Variants in EFHB observed in about 807,000 individuals in gnomAD.
EFHB encodes EF-hand domain family member B, also known as EF-hand domain-containing family member B.
Under a neutral mutation model 87.2 loss-of-function variants are expected in EFHB, and 91 were observed. The ratio of observed to expected loss-of-function variants is 1.04; its 90% CI spans 0.88 to 1.24. The LOEUF is 1.24. Ranked by LOEUF, EFHB falls within the 50% of genes most tolerant of loss-of-function variation. EFHB has a pLI of 0.00. For synonymous variants in EFHB, 325 were observed against 333.6 expected, an observed-to-expected ratio of 0.97 and a Z score of 0.28; for missense variants, 1,084 against 998.8, an observed-to-expected ratio of 1.09 and a Z score of -1.15.
chr3:19,903,509 A>T (rs1041002291), intron 6 of EFHB, among the ~76,000 whole-genome samples: 1 of 151,910 alleles, frequency 6.6e-6, no homozygotes, highest in Non-Finnish European at 1.5e-5. Context: ...AAATATCTGT[A>T]GTCCTTAAAT....
At chr3:19,888,793 A>T in intron 9 of EFHB, 142 bp from the exon 10 acceptor site, 2 of 697,162 alleles carry the variant, frequency 2.9e-6, no homozygotes, top group Non-Finnish European at 4.7e-6. Context: ...GAGGAGTCAA[A>T]TACGCTGGTT....
At chr3:19,940,327 C>A in intron 1 of EFHB, 2 of 316,416 alleles carry the variant, frequency 6.3e-6, no homozygotes, top group South Asian at 5.5e-5. Context: ...AACAGTGAAT[C>A]CCCTAGGCAT....
rs138129060 is a variant in EFHB at position 19,913,117 on chromosome 3, C to T, written c.1288+2186G>A. Among the ~76,000 whole-genome samples the T allele has an allele frequency of 1.0e-3, 158 of 152,136 alleles. 2 individuals are homozygous for T. The highest frequency in any genetic ancestry group is 3.6e-3 in the African/African-American group (148 of 41,492). On this transcript the variant is annotated intron_variant, in intron 5 of 12. Transcript: ENST00000295824. ...GAACACACCTCAACATAATAAAAGC[C>T]GTATACAACAGAACCCCAGCTAGTA...
intron 5 of EFHB, among the ~76,000 whole-genome samples, chr3:19,907,468 A>G (rs1044015580): frequency 5.3e-5 from 8 of 152,188 alleles, no homozygotes; most frequent in Admixed American, 1.3e-4. Context: ...CAAGGGAGGT[A>G]TGGCAATGAT....
In EFHB at chr3:19,915,470, C is replaced by T. The variant is rs9850421; in HGVS notation, c.1178-57G>A. On this transcript the variant is annotated intron_variant, in intron 4 of 12. Coordinates refer to ENST00000295824, the MANE Select transcript of EFHB (RefSeq NM_144715.4). The stretch of plus-strand genomic sequence containing the variant: ...GTCACTTTTTAACCTATTTATAATA[C>T]GTTTATATTGACTAGAACAAATGAG... 7,843 of 1,129,536 alleles carry T rather than the reference C, an allele frequency of 6.9e-3. 360 individuals carry two copies. The African/African-American group carries it at 0.1, about 14-fold the overall frequency. The allele number at this position is 1,129,536 out of a possible 1,614,324, so 70.0% of individuals were successfully genotyped here. A position where few individuals can be genotyped will look rare whatever the true frequency, so the allele number is the denominator to read the frequency against.
chr3:19,896,939 T>C (rs1694509200), intron 8 of EFHB, 98 bp from the exon 9 acceptor site: 1 of 1,076,604 alleles, frequency 9.3e-7, no homozygotes, highest in Non-Finnish European at 1.3e-6. Flanking sequence ...CCTCTGTGAA[T>C]GAAAGAAACA....
At chr3:19,889,624 C>T (rs1293406175) in intron 9 of EFHB, among the ~76,000 whole-genome samples, 1 of 152,120 alleles carries the variant, frequency 6.6e-6, no homozygotes, top group African/African-American at 2.4e-5. Context: ...GACCCACAGC[C>T]CTGGAAAACT....
intron 9 of EFHB, among the ~76,000 whole-genome samples, chr3:19,895,904 C>T (rs1475149612): frequency 6.6e-6 from 1 of 152,118 alleles, no homozygotes; most frequent in Non-Finnish European, 1.5e-5. Context: ...CAGTGCAGCT[C>T]GGTAAAAGCA....
chr3:19,884,536 A>C lies in EFHB; in HGVS notation c.2013T>G (p.Asp671Glu). Residue 671 changes from aspartate to glutamate, a missense_variant, in exon 11 of 13, where the codon GAT becomes GAG. Asp to Glu is a conservative substitution (Grantham distance 45). Coordinates refer to ENST00000295824, the MANE Select transcript of EFHB (RefSeq NM_144715.4). ...TGCTTCCTGCTTCTTTTAAGACAATATCTTCTGGCTTTATGAGGAGAGTTT... is the reference window on the plus strand; with the variant it reads ...TGCTTCCTGCTTCTTTTAAGACAATCTCTTCTGGCTTTATGAGGAGAGTTT... ...PEQTLLIKPE[D>E]IVLKEAGSTE... is the part of the protein sequence containing the mutation. 6.2e-7 allele frequency: 1 copy of C among 1,613,994 alleles called. No individual in the cohort carries two copies. The highest frequency in any genetic ancestry group is 8.5e-7 in the Non-Finnish European group (1 of 1,179,884).
chr3:19,892,091 A>G (rs1694325649), intron 9 of EFHB, among the ~76,000 whole-genome samples: 1 of 152,170 alleles, frequency 6.6e-6, no homozygotes, highest in South Asian at 2.1e-4. Context: ...TTCCAGTCCA[A>G]TCATATGGGT....
At chr3:19,906,891 G>C (rs1336021798) in intron 5 of EFHB, among the ~76,000 whole-genome samples, 1 of 151,934 alleles carries the variant, frequency 6.6e-6, no homozygotes, top group East Asian at 1.9e-4. Context: ...AGAATGGAGA[G>C]CCCAGAAATA....
chr3:19,921,409 G>A (rs188400219), intron 1 of EFHB, among the ~76,000 whole-genome samples: 3 of 152,148 alleles, frequency 2.0e-5, no homozygotes, highest in Admixed American at 1.3e-4. Flanking sequence ...AAAAAAAATG[G>A]GAGAAAATAT....
chr3:19,920,418 T>C, intron 2 of EFHB, 87 bp downstream of exon 2: 1 of 1,130,426 alleles, frequency 8.8e-7, no homozygotes, highest in Non-Finnish European at 1.3e-6. Context: ...TTTATACCAC[T>C]TTCATAAGGA....
chr3:19,933,646 T>C lies in EFHB; in HGVS notation c.373A>G (p.Ile125Val). 1.2e-6 allele frequency: 2 copies of C among 1,614,020 alleles called. No individual in the cohort carries two copies. The highest frequency in any genetic ancestry group is 1.7e-6 in the Non-Finnish European group (2 of 1,179,892). The change falls in exon 1 of 13, where the codon ATA (isoleucine) becomes GTA (valine). Residue 125 changes from isoleucine to valine, a missense_variant. Ile to Val is a conservative substitution (Grantham distance 29). Transcript: ENST00000295824. ...ACCCTGCCCAAAGGAGGCTGTATTA[T>C]CCGTTCATGGGTATATCCTGCAAGA... ...SLLAGYTHERIIQPPLGRVCG... is the reference protein window; with the variant it reads ...SLLAGYTHERVIQPPLGRVCG...
At chr3:19,904,532 G>A (rs1327911198) in intron 6 of EFHB, among the ~76,000 whole-genome samples, 1 of 152,124 alleles carries the variant, frequency 6.6e-6, no homozygotes, top group Non-Finnish European at 1.5e-5. Context: ...AAGTCTGATG[G>A]CTGTTGGCAT....
At chr3:19,897,466 G>A (rs1046901952) in intron 8 of EFHB, among the ~76,000 whole-genome samples, 2 of 152,192 alleles carry the variant, frequency 1.3e-5, no homozygotes, top group African/African-American at 4.8e-5. Context: ...GCGGCTCGGT[G>A]GATATCGCCA....
chr3:19,935,722 C>A (rs545409636), upstream of EFHB, among the ~76,000 whole-genome samples: 6 of 151,604 alleles, frequency 4.0e-5, no homozygotes, highest in South Asian at 4.2e-4. Context: ...AAATAAAAAA[C>A]CAAAAATGGC....
At chr3:19,902,682 A>T (rs1694712856) in intron 6 of EFHB, among the ~76,000 whole-genome samples, 1 of 152,118 alleles carries the variant, frequency 6.6e-6, no homozygotes, top group Non-Finnish European at 1.5e-5. Flanking sequence ...GGGGAAATAT[A>T]TCCCATAAAA....
chr3:19,883,683 AT>A (rs1225345465), intron 11 of EFHB, among the ~76,000 whole-genome samples: 1 of 152,184 alleles, frequency 6.6e-6, no homozygotes, highest in Non-Finnish European at 1.5e-5. Context: ...ATACTGGAGT[AT>A]GGTGGGCCCC....
Sources: allele counts gnomAD v4.1 joint callset (sites outside exome capture counted in the v4.1 genomes callset), GRCh38; gene constraint gnomAD v4.1.1; transcripts MANE v1.5; gene names NCBI Gene and HGNC (gene_info 2026-07-23, HGNC 2026-07-21).